The following RHBDD1 variants were observed in gnomAD, a reference collection of about 807,000 sequenced individuals.
RHBDD1 encodes the protein rhomboid domain containing 1.
Under a neutral mutation model 36.3 loss-of-function variants are expected in RHBDD1, and 38 were observed. The ratio of observed to expected loss-of-function variants is 1.05; its 90% CI spans 0.81 to 1.37. The LOEUF (loss-of-function observed/expected upper bound fraction) is 1.37, where lower values mean the gene tolerates loss of function less well. Ranked by LOEUF, RHBDD1 falls within the 40% of genes most tolerant of loss-of-function variation. The probability of loss-of-function intolerance (pLI) is 0.00; values close to 1 mark genes in which losing one functional copy is unlikely to be tolerated. For synonymous variants in RHBDD1, 151 were observed against 136.5 expected, an observed-to-expected ratio of 1.11 and a Z score of -0.74; for missense variants, 393 against 377.6, an observed-to-expected ratio of 1.04 and a Z score of -0.34.
chr2:226,864,925 G>C lies in RHBDD1; in HGVS notation c.232G>C (p.Asp78His), dbSNP rs777352040. 1 of 1,614,184 alleles carries C rather than the reference G, an allele frequency of 6.2e-7. No individual in the cohort carries two copies. Among genetic ancestry groups the C allele is most frequent in the Admixed American group, 1.7e-5 (1 of 60,020 alleles). ...GCTCTCTCCCCTTCACCATGCTGATGATTGGCATTTGTATTTCAATATGGC... is the reference window on the plus strand; with the variant it reads ...GCTCTCTCCCCTTCACCATGCTGATCATTGGCATTTGTATTTCAATATGGC... Reference protein sequence around the residue: ...LLLSPLHHADDWHLYFNMASM... With the variant: ...LLLSPLHHADHWHLYFNMASM... Residue 78 changes from aspartate to histidine, a missense_variant, in exon 4 of 9, where the codon GAT becomes CAT. Asp to His is a moderately conservative substitution (Grantham distance 81, BLOSUM62 -1). Transcript: ENST00000392062.
chr2:226,981,321 G>A (rs1233528536), intron 8 of RHBDD1, among the ~76,000 whole-genome samples: 4 of 151,412 alleles, frequency 2.6e-5, no homozygotes, highest in Admixed American at 2.0e-4. Flanking sequence ...CCTATGTAAC[G>A]AGACCACACA....
At chr2:226,935,255 C>A (rs1950264829) in intron 8 of RHBDD1, 1 of 152,072 alleles carries the variant, frequency 6.6e-6, no homozygotes, top group South Asian at 2.1e-4. Flanking sequence ...ATTTAGATTT[C>A]AAATTAATAT....
chr2:226,835,938 A>C (rs1361484954), upstream of RHBDD1: 2 of 152,428 alleles, frequency 1.3e-5, no homozygotes, highest in African/African-American at 4.8e-5. Flanking sequence ...GGGCGCGCAC[A>C]ACTAAGCATG....
chr2:226,899,019 G>A (rs1443519029), intron 5 of RHBDD1, among the ~76,000 whole-genome samples: 2 of 152,220 alleles, frequency 1.3e-5, no homozygotes, highest in Admixed American at 6.5e-5. Context: ...TGCTTGAGAG[G>A]ACAACCTCTT....
At chr2:226,867,945 T>C (rs1218834531) in intron 5 of RHBDD1, among the ~76,000 whole-genome samples, 1 of 152,106 alleles carries the variant, frequency 6.6e-6, no homozygotes, top group Non-Finnish European at 1.5e-5. Context: ...TCTCGATCTC[T>C]TGACCTTGTG....
chr2:226,852,969 A>G (rs771869496), intron 3 of RHBDD1, among the ~76,000 whole-genome samples: 8 of 149,216 alleles, frequency 5.4e-5, no homozygotes, highest in Non-Finnish European at 1.2e-4. Flanking sequence ...AGGTCTTGCT[A>G]TGTTTTCCAG....
intron 8 of RHBDD1, among the ~76,000 whole-genome samples, chr2:226,994,291 A>G (rs556801605): frequency 1.4e-4 from 21 of 152,328 alleles, no homozygotes; most frequent in Admixed American, 5.9e-4. Flanking sequence ...GGGGTCCCCT[A>G]CCATTTTAGA....
At chr2:226,817,147 A>G in the RHBDD1 span, among the ~76,000 whole-genome samples, 1 of 152,194 alleles carries the variant, frequency 6.6e-6, no homozygotes, top group African/African-American at 2.4e-5. Context: ...GTGCATAGTG[A>G]GCTATATACG....
At position 226,917,376 on chromosome 2, in the gene RHBDD1, AC is replaced by A. The variant is rs1948986708; in HGVS notation, c.856+3028del. Among the ~76,000 whole-genome samples the A allele has an allele frequency of 4.6e-5, 7 of 152,198 alleles. No homozygotes were observed. The South Asian group carries it at 1.4e-3, about 32-fold the overall frequency. On this transcript the variant is annotated intron_variant, in intron 8 of 8. Transcript: ENST00000392062. The stretch of plus-strand genomic sequence containing the variant: ...AAATTATTTTATATTTTTTCTTCTT[AC>A]CCTTAAAACATTTCAGTTAAGAAAT...
intron 8 of RHBDD1, chr2:226,942,518 C>T (rs181867295): frequency 4.7e-4 from 170 of 362,338 alleles, no homozygotes; most frequent in African/African-American, 2.6e-3. Context: ...GGATTACAGG[C>T]GTGAGCCACC....
chr2:226,829,984 T>C, the RHBDD1 span, among the ~76,000 whole-genome samples: 1 of 152,294 alleles, frequency 6.6e-6, no homozygotes. Context: ...AGGTTTTTTT[T>C]TTTATAGATG....
At chr2:226,920,632 A>G (rs193290421) in intron 8 of RHBDD1, among the ~76,000 whole-genome samples, 2 of 152,250 alleles carry the variant, frequency 1.3e-5, no homozygotes, top group African/African-American at 2.4e-5. Context: ...TTTCAGCATC[A>G]GTTGAAATGA....
chr2:226,848,551 TC>T lies in RHBDD1; in HGVS notation c.-91+8927del, dbSNP rs535314189. Reference sequence around the variant, plus strand: ...CTGAAAATCAAATACTTTTCTTAGGTCCCTCAGATAATTGAGGTCACAAGTC... The same window carrying T: ...CTGAAAATCAAATACTTTTCTTAGGTCCTCAGATAATTGAGGTCACAAGTC... On this transcript the variant is annotated intron_variant, in intron 3 of 8. Transcript: ENST00000392062. Among the ~76,000 whole-genome samples, 15 of 152,278 alleles carry T rather than the reference TC, an allele frequency of 9.9e-5. No individual in the cohort carries two copies. In the South Asian group the frequency reaches 2.9e-3, roughly 30 times the overall value.
chr2:226,880,325 A>G (rs1017362839), intron 5 of RHBDD1, among the ~76,000 whole-genome samples: 1 of 152,208 alleles, frequency 6.6e-6, no homozygotes, highest in Non-Finnish European at 1.5e-5. Flanking sequence ...GTTCATTTAT[A>G]TATTTCCTCC....
At chr2:226,828,780 T>C in the RHBDD1 span, among the ~76,000 whole-genome samples, 1 of 152,196 alleles carries the variant, frequency 6.6e-6, no homozygotes, top group Admixed American at 6.5e-5. Context: ...GTAAGAGTAA[T>C]CTAAATATTC....
In RHBDD1 at chr2:226,918,362, A is replaced by G. The variant is rs895493580; in HGVS notation, c.856+4011A>G. Among the ~76,000 whole-genome samples the G allele has an allele frequency of 2.6e-5, 4 of 151,972 alleles. No homozygotes were observed. In the East Asian group the frequency reaches 7.7e-4, roughly 29 times the overall value. On this transcript the variant is annotated intron_variant, in intron 8 of 8. Transcript: ENST00000392062. ...TACTCTTTTAGTTATTTTTAAATGT[A>G]CAAAAAAAAATTGTTGACTCTCATC...
intron 3 of RHBDD1, among the ~76,000 whole-genome samples, chr2:226,861,234 T>C (rs1943823805): frequency 6.6e-6 from 1 of 151,882 alleles, no homozygotes; most frequent in South Asian, 2.1e-4. Flanking sequence ...AGCCCTTGAG[T>C]GTGTGCAGGA....
At chr2:226,945,688 G>A (rs1041448070) in intron 8 of RHBDD1, among the ~76,000 whole-genome samples, 1 of 152,132 alleles carries the variant, frequency 6.6e-6, no homozygotes, top group Non-Finnish European at 1.5e-5. Flanking sequence ...TGGGATTGCT[G>A]AGTCCAATGG....
intron 5 of RHBDD1, among the ~76,000 whole-genome samples, chr2:226,881,375 T>C (rs1281811901): frequency 6.6e-6 from 1 of 152,240 alleles, no homozygotes; most frequent in African/African-American, 2.4e-5. Flanking sequence ...TGTATGCAAC[T>C]GTATTTTCAA....
Sources: allele counts gnomAD v4.1 joint callset (sites outside exome capture counted in the v4.1 genomes callset), GRCh38; gene constraint gnomAD v4.1.1; transcripts MANE v1.5; gene names NCBI Gene and HGNC (gene_info 2026-07-23, HGNC 2026-07-21).